TRAPPC10: variants seen among roughly 807,000 people sequenced by gnomAD.
The protein encoded by TRAPPC10 is TRAPP 130 kDa subunit.
A neutral mutation model predicts 125.5 loss-of-function variants in TRAPPC10; 23 were observed. The ratio of observed to expected loss-of-function variants is 0.18; its 90% CI spans 0.13 to 0.26. TRAPPC10 has a LOEUF of 0.26. Ranked by LOEUF, TRAPPC10 falls within the 10% of genes least tolerant of loss-of-function variation. The probability of loss-of-function intolerance (pLI) is 1.00; values close to 1 mark genes in which losing one functional copy is unlikely to be tolerated. For missense variants in TRAPPC10, 1,123 were observed against 1,308.4 expected (o/e 0.86, Z 2.19); for synonymous variants, 509 against 518.0 (o/e 0.98, Z 0.24).
At chr21:44,093,941 G>T (rs1412057583) in intron 19 of TRAPPC10, 122 bp from the exon 20 acceptor site, 2 of 1,022,646 alleles carry the variant, frequency 2.0e-6, no homozygotes, top group Non-Finnish European at 2.9e-6. Flanking sequence ...CGTGCTGTGA[G>T]GCGGGGCCTG....
intron 3 of TRAPPC10, among the ~76,000 whole-genome samples, chr21:44,044,135 T>C (rs2034606929): frequency 6.6e-6 from 1 of 152,232 alleles, no homozygotes; most frequent in Non-Finnish European, 1.5e-5. Flanking sequence ...GTTAATTCAT[T>C]TGAGAAGAAT....
At chr21:44,084,369 A>G (rs1218069826) in intron 15 of TRAPPC10, 106 bp downstream of exon 15, 9 of 1,185,110 alleles carry the variant, frequency 7.6e-6, no homozygotes, top group Non-Finnish European at 1.0e-5. Flanking sequence ...TCTGCCTTTA[A>G]GAGATATTTT....
chr21:44,037,599 T>C (rs529106272), intron 2 of TRAPPC10, among the ~76,000 whole-genome samples, 193 bp from the exon 3 acceptor site: 61 of 152,320 alleles, frequency 4.0e-4, no homozygotes, highest in Non-Finnish European at 1.9e-4. Context: ...AATGGAGCTT[T>C]GACCTGTACA....
intron 4 of TRAPPC10, 31 bp downstream of exon 4, chr21:44,052,507 G>C: frequency 1.3e-6 from 2 of 1,561,146 alleles, no homozygotes; most frequent in Middle Eastern, 3.4e-4. Flanking sequence ...ACCTCATTTG[G>C]TTAATACTTG....
Position 44,082,902 on chromosome 21 carries a change from A to T in TRAPPC10, c.1838A>T (p.Tyr613Phe). 6.2e-7 allele frequency: 1 copy of T among 1,614,120 alleles called. No homozygotes were observed. Among genetic ancestry groups the T allele is most frequent in the Non-Finnish European group, 8.5e-7 (1 of 1,180,020 alleles). Reference sequence around the variant, plus strand: ...GTTTTGTGCGTTGAGATAACCATGTACAGCCAGATGCCTGTGCCTGTTCAC... The same window carrying T: ...GTTTTGTGCGTTGAGATAACCATGTTCAGCCAGATGCCTGTGCCTGTTCAC... The part of the protein sequence containing the change: ...GGVLCVEITM[Y>F]SQMPVPVHVE... The change falls in exon 14 of 23, where the codon TAC becomes TTC. Residue 613 changes from tyrosine (Y) to phenylalanine (F), a missense_variant. Tyr to Phe is a conservative substitution (Grantham distance 22, BLOSUM62 3). Coordinates refer to ENST00000291574, the MANE Select transcript of TRAPPC10 (RefSeq NM_003274.5). This position sits in a 1 kb window ranked among gnomAD's most constrained non-coding sequence, Gnocchi z 4.4.
intron 3 of TRAPPC10, among the ~76,000 whole-genome samples, chr21:44,045,901 A>G (rs528718040): frequency 6.6e-6 from 1 of 151,682 alleles, no homozygotes; most frequent in South Asian, 2.1e-4. Flanking sequence ...TGATTATGGT[A>G]TGCTTTGGTG....
intron 3 of TRAPPC10, among the ~76,000 whole-genome samples, chr21:44,049,960 A>T (rs1426374692): frequency 2.7e-5 from 4 of 149,964 alleles, no homozygotes; most frequent in African/African-American, 9.9e-5. Context: ...GCTCACTGCA[A>T]CCTCCGCCTC....
At chr21:44,017,760 T>C (rs1314770625) in intron 1 of TRAPPC10, among the ~76,000 whole-genome samples, 1 of 152,038 alleles carries the variant, frequency 6.6e-6, no homozygotes, top group Non-Finnish European at 1.5e-5. Flanking sequence ...CTTCTTCTTT[T>C]TGGTGGTACT....
At chr21:44,075,193 C>G in intron 9 of TRAPPC10, 40 bp downstream of exon 9, 1 of 1,438,260 alleles carries the variant, frequency 7.0e-7, no homozygotes, top group South Asian at 1.2e-5. Flanking sequence ...GTGAGGTGGA[C>G]AGTAATGAAA....
intron 1 of TRAPPC10, among the ~76,000 whole-genome samples, chr21:44,023,226 G>A (rs184909399): frequency 4.0e-5 from 6 of 151,700 alleles, no homozygotes; most frequent in African/African-American, 1.5e-4. Flanking sequence ...TAGAGATGGG[G>A]TTTCACCGTG....
At chr21:44,033,715 T>C (rs57812760) in intron 2 of TRAPPC10, among the ~76,000 whole-genome samples, 10,043 of 151,914 alleles carry the variant, frequency 0.066, 719 homozygotes, top group African/African-American at 0.17. Flanking sequence ...GAAATAAAAT[T>C]AGCTGGACAT....
In TRAPPC10 at chr21:44,087,070, GTGTC is replaced by G. The variant is rs1198035059; in HGVS notation, c.2539+113_2539+116del. 17 of 1,275,298 alleles carry G rather than the reference GTGTC, an allele frequency of 1.3e-5. No homozygotes were observed. Among genetic ancestry groups the G allele is most frequent in the Non-Finnish European group, 1.8e-5 (17 of 922,310 alleles). The allele number at this position is 1,275,298 out of a possible 1,614,324, so 79.0% of individuals were successfully genotyped here. A position where few individuals can be genotyped will look rare whatever the true frequency, so the allele number is the denominator to read the frequency against. On this transcript the variant is annotated intron_variant, in intron 16 of 22. Coordinates refer to ENST00000291574, the MANE Select transcript of TRAPPC10 (RefSeq NM_003274.5). The surrounding 1 kb of genome is among the most constrained non-coding windows in gnomAD (Gnocchi z 4.6). ...CCATCCTGCTGAGCGCCCCTCAACA[GTGTC>G]TGGAGTCCGTGTTCCATAGGAGCCC...
intron 20 of TRAPPC10, among the ~76,000 whole-genome samples, chr21:44,095,610 C>T (rs1480577718): frequency 2.0e-5 from 3 of 152,054 alleles, no homozygotes; most frequent in Non-Finnish European, 4.4e-5. Flanking sequence ...GTCGCCCAGG[C>T]TGGAGTGCAG....
In TRAPPC10 at chr21:44,084,207, T is replaced by C. The variant is rs1284257947; in HGVS notation, c.2324T>C (p.Ile775Thr). 6.2e-7 allele frequency: 1 copy of C among 1,614,026 alleles called. No homozygotes were observed. The highest frequency in any genetic ancestry group is 8.5e-7 in the Non-Finnish European group (1 of 1,180,022). Reference protein sequence around the residue: ...VWFVLPHIYPIVQYDVYSQEP... With the variant: ...VWFVLPHIYPTVQYDVYSQEP... The stretch of plus-strand genomic sequence containing the variant: ...TTCGTCCTCCCTCACATCTACCCCA[T>C]TGTGCAGTACGACGTGTACTCACAG... Residue 775 changes from isoleucine to threonine, a missense_variant, in exon 15 of 23, where the codon ATT becomes ACT. By Grantham distance (89) the Ile-to-Thr change is moderately conservative. This residue lies in a region of TRAPPC10 where 840 missense variants were observed against 902.0 expected (regional missense o/e 0.93). Coordinates refer to ENST00000291574, the MANE Select transcript of TRAPPC10 (RefSeq NM_003274.5).
rs953818707 is a variant in TRAPPC10 at position 44,087,475 on chromosome 21, CCT to C, written c.2540-219_2540-218del. 2.0e-5 allele frequency among the ~76,000 whole-genome samples: 3 copies of C among 152,204 alleles called. No homozygotes were observed. Among genetic ancestry groups the C allele is most frequent in the Non-Finnish European group, 4.4e-5 (3 of 68,040 alleles). On this transcript the variant is annotated intron_variant, in intron 16 of 22. Transcript: ENST00000291574. This position sits in a 1 kb window ranked among gnomAD's most constrained non-coding sequence, Gnocchi z 4.6. Reference sequence around the variant, plus strand: ...TGGGCCCCGTGGGAAATGCCCTTTTCCTCTCTTCAGATTGAGATCAATGATGG... The same window carrying C: ...TGGGCCCCGTGGGAAATGCCCTTTTCCTCTTCAGATTGAGATCAATGATGG...
At position 44,089,827 on chromosome 21, in the gene TRAPPC10, C is replaced by T. The variant is rs1487868688; in HGVS notation, c.2770-6C>T. 2.5e-6 allele frequency: 4 copies of T among 1,612,228 alleles called. No homozygotes were observed. Among genetic ancestry groups the T allele is most frequent in the Admixed American group, 3.3e-5 (2 of 59,962 alleles). ...GTCTGAGAGTGTCTTTGTGCTTCCTCCTCAGGTGTCGATTGACTGCCCGTG... is the reference window on the plus strand; with the variant it reads ...GTCTGAGAGTGTCTTTGTGCTTCCTTCTCAGGTGTCGATTGACTGCCCGTG... On this transcript the variant is annotated splice_polypyrimidine_tract_variant and splice_region_variant and intron_variant, in intron 17 of 22. Coordinates refer to ENST00000291574, the MANE Select transcript of TRAPPC10 (RefSeq NM_003274.5).
chr21:44,027,715 C>G (rs2033194516), intron 1 of TRAPPC10, among the ~76,000 whole-genome samples: 1 of 152,140 alleles, frequency 6.6e-6, no homozygotes, highest in African/African-American at 2.4e-5. Flanking sequence ...ACAGGTGGCC[C>G]TTCTCTTGAC....
In TRAPPC10 at chr21:44,083,171, C is replaced by A; in HGVS notation, c.2107C>A (p.Leu703Met). 6.2e-7 allele frequency: 1 copy of A among 1,614,198 alleles called. No individual in the cohort carries two copies. The highest frequency in any genetic ancestry group is 8.5e-7 in the Non-Finnish European group (1 of 1,180,046). ...TATCTGCAGAAACGTCCACATGCTC[C>A]TGAGAAGGCAGGAGAGCAGCTCCTC... ...GIICRNVHML[L>M]RRQESSSSLE... Residue 703 changes from leucine (L) to methionine (M), a missense_variant, in exon 14 of 23, where the codon CTG becomes ATG. Coordinates refer to ENST00000291574, the MANE Select transcript of TRAPPC10 (RefSeq NM_003274.5).
chr21:44,095,175 G>A (rs2146233055), intron 20 of TRAPPC10, among the ~76,000 whole-genome samples: 1 of 151,178 alleles, frequency 6.6e-6, no homozygotes, highest in Middle Eastern at 3.5e-3. Flanking sequence ...AGCCTGCCAA[G>A]TAGCTGGGAC....
Sources: gnomAD v4.1 joint callset for allele counts (sites outside exome capture counted in the v4.1 genomes callset) on GRCh38, gnomAD v4.1.1 for gene constraint, gnomAD v4.1.1 regional missense constraint, Gnocchi (gnomAD v3.1) non-coding constraint, MANE v1.5 for transcripts, NCBI Gene and HGNC (gene_info 2026-07-23, HGNC 2026-07-21) for gene names.